GALNT16: variants seen among roughly 807,000 people sequenced by gnomAD.
The protein encoded by GALNT16 is polypeptide N-acetylgalactosaminyltransferase 16, also known as UDP-GalNAc:polypeptide N-acetylgalactosaminyltransferase-like protein 1.
A neutral mutation model predicts 76.1 loss-of-function variants in GALNT16; 40 were observed. The ratio of observed to expected loss-of-function variants is 0.53; its 90% CI spans 0.41 to 0.68. GALNT16 has a LOEUF of 0.68. Ranked by LOEUF, GALNT16 falls within the 30% of genes least tolerant of loss-of-function variation. The pLI is 0.00. For synonymous variants in GALNT16, 276 were observed against 285.2 expected (o/e 0.97, Z 0.32); for missense variants, 621 against 731.9 (o/e 0.85, Z 1.75).
At chr14:69,288,407 A>G (rs1279888190) in intron 1 of GALNT16, among the ~76,000 whole-genome samples, 10 of 152,178 alleles carry the variant, frequency 6.6e-5, no homozygotes, top group African/African-American at 1.4e-4. Flanking sequence ...CTCTGATGCA[A>G]TTGGTGGTGA....
chr14:69,323,287 G>A (rs1203628035), intron 2 of GALNT16, among the ~76,000 whole-genome samples: 1 of 152,190 alleles, frequency 6.6e-6, no homozygotes, highest in Non-Finnish European at 1.5e-5. Context: ...AACCCCTTTA[G>A]AGGCTCCTGG....
the GALNT16 span, among the ~76,000 whole-genome samples, chr14:69,367,297 C>T: frequency 1.3e-5 from 2 of 151,918 alleles, no homozygotes; most frequent in Non-Finnish European, 2.9e-5. Flanking sequence ...AACCTAACCC[C>T]CAAAGTGATG....
At chr14:69,369,875 G>A in the GALNT16 span, among the ~76,000 whole-genome samples, 1 of 152,194 alleles carries the variant, frequency 6.6e-6, no homozygotes, top group East Asian at 1.9e-4. Flanking sequence ...AGATTGTAGA[G>A]ATGAGTGGAG....
the GALNT16 span, among the ~76,000 whole-genome samples, chr14:69,377,044 T>C: frequency 3.1e-3 from 474 of 152,320 alleles, 3 homozygotes; most frequent in African/African-American, 0.011. Flanking sequence ...CTGTGTGAAC[T>C]GCCATGAGGA....
At chr14:69,296,382 A>G (rs1294487089) in intron 1 of GALNT16, among the ~76,000 whole-genome samples, 4 of 152,216 alleles carry the variant, frequency 2.6e-5, no homozygotes, top group African/African-American at 9.7e-5. Context: ...ACCACATCAC[A>G]TATGCAAGAA....
At chr14:69,380,971 T>C in the GALNT16 span, among the ~76,000 whole-genome samples, 5 of 152,220 alleles carry the variant, frequency 3.3e-5, no homozygotes, top group Non-Finnish European at 5.9e-5. Context: ...ATGGTTCCTT[T>C]AGTGATTAAA....
At chr14:69,384,115 C>A in the GALNT16 span, among the ~76,000 whole-genome samples, 1 of 152,128 alleles carries the variant, frequency 6.6e-6, no homozygotes, top group East Asian at 1.9e-4. Context: ...GTTGAAAAAA[C>A]CTCAACACCT....
chr14:69,277,063 G>A (rs1240679858), intron 1 of GALNT16, among the ~76,000 whole-genome samples: 1 of 152,186 alleles, frequency 6.6e-6, no homozygotes, highest in Non-Finnish European at 1.5e-5. Flanking sequence ...CTTCCCTGCT[G>A]AGAGCCAAGG....
intron 2 of GALNT16, among the ~76,000 whole-genome samples, chr14:69,323,220 A>C (rs531467726): frequency 3.3e-5 from 5 of 152,316 alleles, no homozygotes; most frequent in African/African-American, 9.6e-5. Context: ...AGACAGGCCG[A>C]GGAGGATCAC....
intron 9 of GALNT16, among the ~76,000 whole-genome samples, chr14:69,335,191 T>A (rs749599283): frequency 6.6e-6 from 1 of 152,134 alleles, no homozygotes; most frequent in Non-Finnish European, 1.5e-5. Context: ...TAACTCTTTC[T>A]CCCTGATGAG....
At chr14:69,264,569 G>A (rs1342082258) in intron 1 of GALNT16, among the ~76,000 whole-genome samples, 3 of 152,120 alleles carry the variant, frequency 2.0e-5, no homozygotes, top group Non-Finnish European at 4.4e-5. Flanking sequence ...TTCTCAGAGA[G>A]CGGATGCTTT....
intron 14 of GALNT16, 139 bp from the exon 15 acceptor site, chr14:69,351,892 C>A: frequency 5.3e-6 from 4 of 761,028 alleles, no homozygotes; most frequent in Non-Finnish European, 8.3e-6. Flanking sequence ...CAAGGTCATG[C>A]CTAAAAAGAA....
In GALNT16 at chr14:69,352,276, C is replaced by A; in HGVS notation, c.*108C>A. ...TGTTCCCATCTCCTCACATTTCTGC[C>A]AGGACCATCAGCAAATACCCACCAT... is the stretch of plus-strand genomic sequence containing the variant. On this transcript the variant is annotated 3_prime_UTR_variant, in exon 15 of 15. Transcript: ENST00000448469. 1 of 1,001,144 alleles carries A rather than the reference C, an allele frequency of 1.0e-6. No homozygotes were observed. The highest frequency in any genetic ancestry group is 1.4e-6 in the Non-Finnish European group (1 of 696,592). 62.0% of individuals were successfully genotyped at this position (1,001,144 alleles called of 1,614,324 possible).
rs532969434 is a variant in GALNT16, at chr14:69,337,754, G to C, written c.968-897G>C. Reference sequence around the variant, plus strand: ...TCACTTGGTGCACACAGGCTGGCCAGAGGTGGGCTTTAGTCCTGCTTCCTC... The same window carrying C: ...TCACTTGGTGCACACAGGCTGGCCACAGGTGGGCTTTAGTCCTGCTTCCTC... On this transcript the variant is annotated intron_variant, in intron 9 of 14. Transcript: ENST00000448469. Among the ~76,000 whole-genome samples the C allele has an allele frequency of 5.3e-5, 8 of 152,344 alleles. No homozygotes were observed. In the South Asian group the frequency reaches 1.7e-3, roughly 32 times the overall value.
the GALNT16 span, among the ~76,000 whole-genome samples, chr14:69,372,491 CTTTTTTTTTTTTT>C: frequency 7.7e-5 from 8 of 103,752 alleles, no homozygotes; most frequent in African/African-American, 2.2e-4. Flanking sequence ...GATCATTAGC[CTTTTTTTTTTTTT>C]TTTTTTTTTG....
At chr14:69,295,247 C>T (rs1403692117) in intron 1 of GALNT16, among the ~76,000 whole-genome samples, 1 of 151,648 alleles carries the variant, frequency 6.6e-6, no homozygotes, top group East Asian at 1.9e-4. Flanking sequence ...AACCCTGTCT[C>T]TACCAAAAAT....
chr14:69,327,152 A>G (rs1175543138), intron 5 of GALNT16, among the ~76,000 whole-genome samples: 2 of 152,206 alleles, frequency 1.3e-5, no homozygotes, highest in Admixed American at 6.5e-5. Context: ...GGAGTTCAAG[A>G]CTAGCCTGGC....
chr14:69,305,830 G>A (rs191064362), intron 1 of GALNT16, among the ~76,000 whole-genome samples: 162 of 152,172 alleles, frequency 1.1e-3, no homozygotes, highest in South Asian at 6.6e-3. Flanking sequence ...TCATGTCCAC[G>A]AAATCATTGC....
intron 1 of GALNT16, among the ~76,000 whole-genome samples, chr14:69,282,470 C>T (rs560559082): frequency 1.8e-4 from 27 of 152,208 alleles, no homozygotes; most frequent in Middle Eastern, 3.4e-3. Context: ...CAGCCCTCTC[C>T]AGCCTGTACC....
Sources: allele counts gnomAD v4.1 joint callset (sites outside exome capture counted in the v4.1 genomes callset), GRCh38; gene constraint gnomAD v4.1.1; transcripts MANE v1.5; gene names NCBI Gene and HGNC (gene_info 2026-07-23, HGNC 2026-07-21).